ATP2A1: variants seen among roughly 807,000 people sequenced by gnomAD.
The protein encoded by ATP2A1 is sarcoplasmic/endoplasmic reticulum calcium ATPase 1.
ATP2A1 carries 83 observed loss-of-function variants against 109.5 expected under a neutral mutation model. The ratio of observed to expected loss-of-function variants is 0.76; its 90% CI spans 0.63 to 0.91. The LOEUF is 0.91. Ranked by LOEUF, ATP2A1 falls within the 40% of genes least tolerant of loss-of-function variation. The pLI is 0.00. For missense variants in ATP2A1, 1,101 were observed against 1,341.0 expected (o/e 0.82, Z 2.80); for synonymous variants, 505 against 537.6 (o/e 0.94, Z 0.84).
chr16:28,895,685 C>A (rs760889988), intron 12 of ATP2A1, among the ~76,000 whole-genome samples: 27 of 149,270 alleles, frequency 1.8e-4, no homozygotes, highest in Non-Finnish European at 4.0e-4. Context: ...AAAACAAAAA[C>A]AAAGAAAGAA....
Position 28,902,330 on chromosome 16 carries a change from G to C in ATP2A1, c.2468G>C (p.Ser823Thr), listed in dbSNP as rs537031930. ...DLDIMDRPPR[S>T]PKEPLISGWL... ...GACATCATGGACCGCCCCCCCCGGAGCCCCAAGGAGCCCCTCATCAGTGGC... is the reference window on the plus strand; with the variant it reads ...GACATCATGGACCGCCCCCCCCGGACCCCCAAGGAGCCCCTCATCAGTGGC... Residue 823 changes from serine to threonine, a missense_variant, in exon 17 of 23, where the codon AGC becomes ACC. By Grantham distance (58) the Ser-to-Thr change is moderately conservative (BLOSUM62 1). Coordinates refer to ENST00000395503, the MANE Select transcript of ATP2A1 (RefSeq NM_004320.6). The surrounding 1 kb of genome is among the most constrained non-coding windows in gnomAD (Gnocchi z 4.8). The C allele has an allele frequency of 6.2e-7, 1 of 1,614,014 alleles. No individual in the cohort carries two copies. Among genetic ancestry groups the C allele is most frequent in the East Asian group, 2.2e-5 (1 of 44,866 alleles).
rs1028035561 is a variant in ATP2A1 at position 28,879,103 on chromosome 16, C to T, written c.123C>T (p.Leu41=). 6.2e-7 allele frequency: 1 copy of T among 1,613,920 alleles called. No individual in the cohort carries two copies. The highest frequency in any genetic ancestry group is 1.3e-5 in the African/African-American group (1 of 74,852). Reference sequence around the variant, plus strand: ...TTTCTTCTTTTTCCTGGGTAGAGCTCCCTGCTGAGGAAGGTAAGTTACTGG... The same window carrying T: ...TTTCTTCTTTTTCCTGGGTAGAGCTTCCTGCTGAGGAAGGTAAGTTACTGG... The part of the protein sequence containing the change: ...RNLEKYGLNE[L]PAEEGKTLWE... Residue 41 remains leucine (L), a synonymous_variant, in exon 2 of 23, where the codon CTC becomes CTT. Coordinates refer to ENST00000395503, the MANE Select transcript of ATP2A1 (RefSeq NM_004320.6).
At position 28,880,220 on chromosome 16, in the gene ATP2A1, G is replaced by C. The variant is rs528362901; in HGVS notation, c.219+637G>C. Reference sequence around the variant, plus strand: ...CTCTGCCTCCTCTCCCGCCCTGGGGGCTACTCCCCATCCCGCGGTCCATCT... The same window carrying C: ...CTCTGCCTCCTCTCCCGCCCTGGGGCCTACTCCCCATCCCGCGGTCCATCT... On this transcript the variant is annotated intron_variant, in intron 3 of 22. Coordinates refer to ENST00000395503, the MANE Select transcript of ATP2A1 (RefSeq NM_004320.6). This position sits in a 1 kb window ranked among gnomAD's most constrained non-coding sequence, Gnocchi z 4.2. 1.3e-6 allele frequency: 1 copy of C among 758,648 alleles called. No individual in the cohort carries two copies. Among genetic ancestry groups the C allele is most frequent in the Non-Finnish European group, 1.6e-6 (1 of 619,088 alleles). The allele number at this position is 758,648 out of a possible 1,614,324, so 47.0% of individuals were successfully genotyped here.
At position 28,900,717 on chromosome 16, in the gene ATP2A1, C is replaced by T; in HGVS notation, c.1901C>T (p.Ala634Val). 1 of 1,614,164 alleles carries T rather than the reference C, an allele frequency of 6.2e-7. No individual in the cohort carries two copies. The highest frequency in any genetic ancestry group is 8.5e-7 in the Non-Finnish European group (1 of 1,180,012). ...GGGGACAACAAGGGCACAGCCATTG[C>T]CATCTGCCGGCGAATTGGCATCTTT... ...ITGDNKGTAI[A>V]ICRRIGIFGE... Residue 634 changes from alanine to valine, a missense_variant, in exon 15 of 23, where the codon GCC (alanine) becomes GTC (valine). Ala to Val is a moderately conservative substitution (Grantham distance 64). Coordinates refer to ENST00000395503, the MANE Select transcript of ATP2A1 (RefSeq NM_004320.6).
chr16:28,900,907 C>G lies in ATP2A1; in HGVS notation c.2091C>G (p.Ile697Met), dbSNP rs886051881. 2.5e-6 allele frequency: 4 copies of G among 1,614,158 alleles called. No homozygotes were observed. Among genetic ancestry groups the G allele is most frequent in the Non-Finnish European group, 3.4e-6 (4 of 1,180,030 alleles). ...AGTACCTGCAGTCCTACGATGAGAT[C>G]ACAGCCATGGTGAGAGGGCCCAGGC... is the stretch of plus-strand genomic sequence containing the variant. ...IVEYLQSYDE[I>M]TAMTGDGVND... Residue 697 changes from isoleucine to methionine, a missense_variant, in exon 15 of 23, where the codon ATC (isoleucine) becomes ATG (methionine). By Grantham distance (10) the Ile-to-Met change is conservative. Transcript: ENST00000395503.
At position 28,894,904 on chromosome 16, in the gene ATP2A1, C is replaced by T. The variant is rs138880727; in HGVS notation, c.1370C>T (p.Thr457Met). The T allele has an allele frequency of 1.7e-4, 280 of 1,612,480 alleles. No homozygotes were observed. In the African/African-American group the frequency reaches 2.8e-3, roughly 16 times the overall value. The change falls in exon 12 of 23, where the codon ACG (threonine) becomes ATG (methionine). Residue 457 changes from threonine to methionine, a missense_variant. Transcript: ENST00000395503. ...TLVEKMNVFN[T>M]DVRSLSKVER... is the part of the protein sequence containing the mutation. Reference sequence around the variant, plus strand: ...GTGGAGAAGATGAATGTGTTCAACACGGATGTGAGAAGCCTCTCGAAGGTG... The same window carrying T: ...GTGGAGAAGATGAATGTGTTCAACATGGATGTGAGAAGCCTCTCGAAGGTG...
rs1963393226 is a variant in ATP2A1 at position 28,879,584 on chromosome 16, G to T, written c.219+1G>T. 6.2e-6 allele frequency: 10 copies of T among 1,613,960 alleles called. No individual in the cohort carries two copies. The highest frequency in any genetic ancestry group is 8.5e-6 in the Non-Finnish European group (10 of 1,179,984). ...CCTCCTGGCCGCATGCATTTCCTTC[G>T]TAAGTGTGGGAGGGTCTCTGGGGGC... On this transcript the variant is annotated splice_donor_variant, in intron 3 of 22. Coordinates refer to ENST00000395503, the MANE Select transcript of ATP2A1 (RefSeq NM_004320.6). LOFTEE classifies it high-confidence loss of function.
intron 22 of ATP2A1, 133 bp from the exon 23 acceptor site, chr16:28,904,047 G>A (rs1016477898): frequency 3.4e-6 from 3 of 879,484 alleles, no homozygotes; most frequent in Admixed American, 3.4e-5. Flanking sequence ...TGGGGACGCA[G>A]GTGAGTAGGG....
intron 6 of ATP2A1, among the ~76,000 whole-genome samples, chr16:28,885,730 G>C (rs1046415434): frequency 3.3e-5 from 5 of 151,982 alleles, no homozygotes; most frequent in Admixed American, 1.3e-4. Flanking sequence ...TCTCTAGATA[G>C]CCACCAGCCC....
rs1372995516 is a variant in ATP2A1 at position 28,903,090 on chromosome 16, C to A, written c.2805C>A (p.Gly935=). 1 of 1,613,666 alleles carries A rather than the reference C, an allele frequency of 6.2e-7. No individual in the cohort carries two copies. The highest frequency in any genetic ancestry group is 8.5e-7 in the Non-Finnish European group (1 of 1,180,002). Residue 935 remains glycine, a synonymous_variant, in exon 20 of 23, where the codon GGC becomes GGA. Coordinates refer to ENST00000395503, the MANE Select transcript of ATP2A1 (RefSeq NM_004320.6). The surrounding 1 kb of genome is among the most constrained non-coding windows in gnomAD (Gnocchi z 5.6). ...CCTGGGTGAACATCTGGCTGCTGGGCTCCATCTGCCTCTCCATGTCCCTGC... is the reference window on the plus strand; with the variant it reads ...CCTGGGTGAACATCTGGCTGCTGGGATCCATCTGCCTCTCCATGTCCCTGC... ...MPPWVNIWLL[G]SICLSMSLHF... is the part of the protein sequence containing the mutation.
chr16:28,880,956 C>T lies in ATP2A1; in HGVS notation c.261C>T (p.Ala87=), dbSNP rs765602202. The change falls in exon 4 of 23, where the codon GCC becomes GCT. Residue 87 remains alanine, a synonymous_variant. Transcript: ENST00000395503. The surrounding 1 kb of genome is among the most constrained non-coding windows in gnomAD (Gnocchi z 4.2). The part of the protein sequence containing the change: ...WFEEGEETIT[A]FVEPFVILLI... ...AGGAAGGTGAAGAGACCATCACTGC[C>T]TTTGTTGAACCCTTTGTCATCCTCT... is the stretch of plus-strand genomic sequence containing the variant. 4 of 1,614,074 alleles carry T rather than the reference C, an allele frequency of 2.5e-6. No individual in the cohort carries two copies. The African/African-American group carries it at 5.3e-5, about 22-fold the overall frequency.
chr16:28,881,793 C>G (rs1440234088), intron 4 of ATP2A1, among the ~76,000 whole-genome samples: 4 of 142,140 alleles, frequency 2.8e-5, no homozygotes, highest in Non-Finnish European at 4.8e-5. Flanking sequence ...CAGAGTGAGA[C>G]CCAGTCTCAA....
rs1299902432 is a variant in ATP2A1 at position 28,884,641 on chromosome 16, A to C, written c.530A>C (p.Gln177Pro). The C allele has an allele frequency of 6.2e-7, 1 of 1,612,586 alleles. No homozygotes were observed. The highest frequency in any genetic ancestry group is 8.5e-7 in the Non-Finnish European group (1 of 1,179,464). The change falls in exon 6 of 23, where the codon CAG becomes CCG. Residue 177 changes from glutamine to proline, a missense_variant. By Grantham distance (76) the Gln-to-Pro change is moderately conservative. Transcript: ENST00000395503. ...AAATCCACCACGCTGCGGGTTGACC[A>C]GTCCATCCTGACAGGTCTGCTGGCC... ...AIKSTTLRVD[Q>P]SILTGESVSV...
At position 28,902,170 on chromosome 16, in the gene ATP2A1, C is replaced by T. The variant is rs201312762; in HGVS notation, c.2322-14C>T. The T allele has an allele frequency of 3.7e-5, 59 of 1,614,160 alleles. No homozygotes were observed. The African/African-American group carries it at 7.5e-4, about 20-fold the overall frequency. ...GGGAGGCAGGACAGAGGTGTGACCA[C>T]CTCCTTCCCACAGTATCTTCCTGAC... On this transcript the variant is annotated splice_polypyrimidine_tract_variant and intron_variant, in intron 16 of 22. Coordinates refer to ENST00000395503, the MANE Select transcript of ATP2A1 (RefSeq NM_004320.6). The surrounding 1 kb of genome is among the most constrained non-coding windows in gnomAD (Gnocchi z 4.8).
Position 28,880,779 on chromosome 16 carries a change from C to T in ATP2A1, c.220-136C>T, listed in dbSNP as rs1963447291. 3 of 814,024 alleles carry T rather than the reference C, an allele frequency of 3.7e-6. No individual in the cohort carries two copies. Among genetic ancestry groups the T allele is most frequent in the South Asian group, 1.4e-5 (1 of 69,938 alleles). 50.4% of individuals were successfully genotyped at this position (814,024 alleles called of 1,614,324 possible). A position where few individuals can be genotyped will look rare whatever the true frequency, so the allele number is the denominator to read the frequency against. ...CCCTCAGACGGATGTGGGGCCACAG[C>T]GCCCCGACGGTGCCCGGCCCTCCTG... On this transcript the variant is annotated intron_variant, in intron 3 of 22. Transcript: ENST00000395503. The surrounding 1 kb of genome is among the most constrained non-coding windows in gnomAD (Gnocchi z 4.2).
At chr16:28,887,750 A>T in intron 8 of ATP2A1, 28 bp downstream of exon 8, 2 of 1,611,144 alleles carry the variant, frequency 1.2e-6, no homozygotes, top group East Asian at 2.2e-5. Flanking sequence ...TTCTCCTCCC[A>T]TTTGCTAATC....
At position 28,903,968 on chromosome 16, in the gene ATP2A1, G is replaced by A. The variant is rs1417713130; in HGVS notation, c.*38-212G>A. On this transcript the variant is annotated intron_variant, in intron 22 of 22. Coordinates refer to ENST00000395503, the MANE Select transcript of ATP2A1 (RefSeq NM_004320.6). The surrounding 1 kb of genome is among the most constrained non-coding windows in gnomAD (Gnocchi z 5.6). Reference sequence around the variant, plus strand: ...GCCAGCCTCTGGGCCCGTCTGCTGCGCTGCGTTGCGCTGGCTGTGTGCTGG... The same window carrying A: ...GCCAGCCTCTGGGCCCGTCTGCTGCACTGCGTTGCGCTGGCTGTGTGCTGG... 25 of 709,808 alleles carry A rather than the reference G, an allele frequency of 3.5e-5. No homozygotes were observed. Among genetic ancestry groups the A allele is most frequent in the Middle Eastern group, 3.9e-4 (1 of 2,586 alleles). 44.0% of individuals were successfully genotyped at this position (709,808 alleles called of 1,614,324 possible).
chr16:28,878,990 TTGA>T, intron 1 of ATP2A1, 106 bp from the exon 2 acceptor site: 4 of 1,497,000 alleles, frequency 2.7e-6, no homozygotes, highest in Admixed American at 1.7e-5. Flanking sequence ...TGGGATGAAC[TTGA>T]TGAACCTCAA....
At chr16:28,899,641 G>GC (rs1567489716) in intron 14 of ATP2A1, among the ~76,000 whole-genome samples, 7 of 28,250 alleles carry the variant, frequency 2.5e-4, no homozygotes, top group Non-Finnish European at 3.5e-4. Flanking sequence ...TCCATCCCCT[G>GC]CGCCCGCCCC....
Sources: gnomAD v4.1 joint callset for allele counts (sites outside exome capture counted in the v4.1 genomes callset) on GRCh38, gnomAD v4.1.1 for gene constraint, Gnocchi (gnomAD v3.1) non-coding constraint, MANE v1.5 for transcripts, NCBI Gene and HGNC (gene_info 2026-07-23, HGNC 2026-07-21) for gene names.